The following PRKAR1B variants were observed in gnomAD, a reference collection of about 807,000 sequenced individuals.
The protein encoded by PRKAR1B is protein kinase cAMP-dependent type I regulatory subunit beta.
PRKAR1B carries 22 observed loss-of-function variants against 46.5 expected under a neutral mutation model. That is an observed-to-expected ratio of 0.47 (90% confidence interval 0.34 to 0.68). The LOEUF is 0.68. Ranked by LOEUF, PRKAR1B falls within the 30% of genes least tolerant of loss-of-function variation. The pLI is 0.01. For missense variants in PRKAR1B, 445 were observed against 535.6 expected (o/e 0.83, Z 1.67); for synonymous variants, 259 against 217.7 (o/e 1.19, Z -1.67).
At chr7:583,430 A>C (rs985582433) in intron 8 of PRKAR1B, among the ~76,000 whole-genome samples, 5 of 52,522 alleles carry the variant, frequency 9.5e-5, no homozygotes, top group African/African-American at 1.8e-4. Flanking sequence ...ACACACGCAC[A>C]CACCCACAGT....
At chr7:640,294 G>A (rs1050932916) in intron 4 of PRKAR1B, among the ~76,000 whole-genome samples, 1 of 152,140 alleles carries the variant, frequency 6.6e-6, no homozygotes, top group Non-Finnish European at 1.5e-5. Context: ...GTCTGGTAAA[G>A]GACTTGTATC....
chr7:611,759 T>C (rs912883499), intron 4 of PRKAR1B, among the ~76,000 whole-genome samples: 1 of 144,514 alleles, frequency 6.9e-6, no homozygotes, highest in Non-Finnish European at 1.5e-5. Flanking sequence ...GGTGGGTGAG[T>C]AGACGAATGA....
chr7:623,629 G>T (rs1468822603), intron 4 of PRKAR1B, among the ~76,000 whole-genome samples: 1 of 152,060 alleles, frequency 6.6e-6, no homozygotes, highest in Non-Finnish European at 1.5e-5. Context: ...GTTTCCTCTC[G>T]GTCATTTTCC....
rs1319408260 is a variant in PRKAR1B, at chr7:583,383, GCA to G, written c.769+1123_769+1124del. On this transcript the variant is annotated intron_variant, in intron 8 of 10. Transcript: ENST00000537384. ...GGCGCACACACCCACTCACACATGT[GCA>G]CACTCACACCCCCCACACGTGTGCA... Among the ~76,000 whole-genome samples the G allele has an allele frequency of 1.2e-4, 7 of 57,396 alleles. 1 individual carries two copies. The highest frequency in any genetic ancestry group is 9.9e-4 in the South Asian group (3 of 3,036). 37.7% of individuals were successfully genotyped at this position (57,396 alleles called of 152,430 possible).
At chr7:657,496 G>A (rs926496397) in intron 4 of PRKAR1B, among the ~76,000 whole-genome samples, 10 of 152,190 alleles carry the variant, frequency 6.6e-5, no homozygotes, top group African/African-American at 2.4e-4. Flanking sequence ...TTAACTCAGA[G>A]GACTTCGTGT....
chr7:569,662 C>T (rs1480005029), intron 9 of PRKAR1B, among the ~76,000 whole-genome samples: 1 of 152,198 alleles, frequency 6.6e-6, no homozygotes, highest in East Asian at 1.9e-4. Context: ...TCAGCTGTGG[C>T]CGCTGGAGCA....
Position 715,937 on chromosome 7 carries a change from G to A in PRKAR1B, c.-22-4410C>T, listed in dbSNP as rs576858646. Among the ~76,000 whole-genome samples the A allele has an allele frequency of 3.8e-4, 58 of 152,122 alleles. No homozygotes were observed. In the South Asian group the frequency reaches 6.6e-3, roughly 17 times the overall value. On this transcript the variant is annotated intron_variant, in intron 1 of 10. Transcript: ENST00000537384. ...TCACCGTGTTAGCCAGGATGGTCTC[G>A]GTCTCCTGACCTCGTGATCCGCCCG...
At chr7:690,838 CA>C (rs1301873656) in intron 2 of PRKAR1B, among the ~76,000 whole-genome samples, 1 of 152,208 alleles carries the variant, frequency 6.6e-6, no homozygotes, top group Admixed American at 6.5e-5. Context: ...TCCAGCTGCA[CA>C]AATGGGTGCC....
chr7:601,124 G>A (rs1022937939), intron 6 of PRKAR1B, among the ~76,000 whole-genome samples: 10 of 152,228 alleles, frequency 6.6e-5, no homozygotes, highest in African/African-American at 1.2e-4. Context: ...TTGAGGGGAC[G>A]GCTTCCTGAT....
rs1026213170 is a variant in PRKAR1B, at chr7:580,243, A to G, written c.770-866T>C. On this transcript the variant is annotated intron_variant, in intron 8 of 10. Transcript: ENST00000537384. Reference sequence around the variant, plus strand: ...AACACCCTGTCTCAAAAAAAAAAAAAAAAGAAAAAAGAAAAAAACAGAAAA... The same window carrying G: ...AACACCCTGTCTCAAAAAAAAAAAAGAAAGAAAAAAGAAAAAAACAGAAAA... 4.0e-5 allele frequency among the ~76,000 whole-genome samples: 6 copies of G among 151,348 alleles called. No individual in the cohort carries two copies. In the South Asian group the frequency reaches 1.0e-3, roughly 26 times the overall value.
Position 560,717 on chromosome 7 carries a change from G to A in PRKAR1B, c.892-9247C>T, listed in dbSNP as rs568735450. Among the ~76,000 whole-genome samples the A allele has an allele frequency of 1.2e-4, 18 of 152,298 alleles. No individual in the cohort carries two copies. Among genetic ancestry groups the A allele is most frequent in the African/African-American group, 4.1e-4 (17 of 41,564 alleles). ...CCTCAGCTGCCTCATCTGTTATATGGGACAACGCCAACCAATGCTACAGAG... is the reference window on the plus strand; with the variant it reads ...CCTCAGCTGCCTCATCTGTTATATGAGACAACGCCAACCAATGCTACAGAG... On this transcript the variant is annotated intron_variant, in intron 9 of 10. Coordinates refer to ENST00000537384, the MANE Select transcript of PRKAR1B (RefSeq NM_001164760.2). This position sits in a 1 kb window ranked among gnomAD's most constrained non-coding sequence, Gnocchi z 4.2.
chr7:585,760 G>A (rs533983247), intron 7 of PRKAR1B, among the ~76,000 whole-genome samples: 7 of 152,238 alleles, frequency 4.6e-5, no homozygotes, highest in African/African-American at 1.7e-4. Flanking sequence ...CAGCTCCGCA[G>A]GGCTGAGTGA....
At chr7:596,094 C>A in intron 7 of PRKAR1B, 52 bp downstream of exon 7, 1 of 1,578,188 alleles carries the variant, frequency 6.3e-7, no homozygotes, top group Non-Finnish European at 8.6e-7. Flanking sequence ...TTCCCAGGGA[C>A]GCCTGGCCAA....
rs1562579473 is a variant in PRKAR1B, at chr7:636,444, T to TCACGTCCTCCACCGGACTGTGCCCA, written c.441-29017_441-28993dup. 7.5e-3 allele frequency among the ~76,000 whole-genome samples: 274 copies of TCACGTCCTCCACCGGACTGTGCCCA among 36,386 alleles called. 11 individuals carry two copies. Among genetic ancestry groups the TCACGTCCTCCACCGGACTGTGCCCA allele is most frequent in the Non-Finnish European group, 0.01 (152 of 14,836 alleles). The allele number at this position is 36,386 out of a possible 152,430, so 23.9% of individuals were successfully genotyped here. A position where few individuals can be genotyped will look rare whatever the true frequency, so the allele number is the denominator to read the frequency against. On this transcript the variant is annotated intron_variant, in intron 4 of 10. Transcript: ENST00000537384. ...CACACGTCCTCCACCGGCCGCGCCCTCACGTCCTCCACCGGACTGTGCCCA... is the reference window on the plus strand; with the variant it reads ...CACACGTCCTCCACCGGCCGCGCCCTCACGTCCTCCACCGGACTGTGCCCACACGTCCTCCACCGGACTGTGCCCA...
chr7:716,097 G>T (rs1490299438), intron 1 of PRKAR1B, among the ~76,000 whole-genome samples: 1 of 151,402 alleles, frequency 6.6e-6, no homozygotes, highest in Non-Finnish European at 1.5e-5. Flanking sequence ...GCCCAGGCTG[G>T]AGTGCAGTGG....
chr7:711,367 T>A lies in PRKAR1B; in HGVS notation c.139A>T (p.Met47Leu), dbSNP rs1780617979. The A allele has an allele frequency of 2.5e-6, 4 of 1,614,208 alleles. No individual in the cohort carries two copies. Among genetic ancestry groups the A allele is most frequent in the Non-Finnish European group, 3.4e-6 (4 of 1,180,020 alleles). The change falls in exon 2 of 11, where the codon ATG (methionine) becomes TTG (leucine). Residue 47 changes from methionine (M) to leucine (L), a missense_variant. By Grantham distance (15) the Met-to-Leu change is conservative (BLOSUM62 2). Transcript: ENST00000537384. ...HLCISKPERP[M>L]KFLREHFEKL... The stretch of plus-strand genomic sequence containing the variant: ...TCGAAGTGCTCCCGGAGGAACTTCA[T>A]GGGGCGTTCGGGCTTGGAGATGCAG...
At chr7:662,294 G>A (rs992921096) in intron 4 of PRKAR1B, among the ~76,000 whole-genome samples, 4 of 11,136 alleles carry the variant, frequency 3.6e-4, no homozygotes, top group East Asian at 2.6e-3. Flanking sequence ...ACTCTCCCCC[G>A]CAAGGCACAG....
In PRKAR1B at chr7:677,289, G is replaced by A. The variant is rs147210283; in HGVS notation, c.380C>T (p.Ala127Val). Residue 127 changes from alanine (A) to valine (V), a missense_variant, in exon 4 of 11, where the codon GCG (alanine) becomes GTG (valine). Ala to Val is a moderately conservative substitution (Grantham distance 64). Coordinates refer to ENST00000537384, the MANE Select transcript of PRKAR1B (RefSeq NM_001164760.2). ...GTTCTTGGAGATGGCCTTGGCCAGC[G>A]CAGTCATGGTTTTGTAGTCCTTGGG... ...VIPKDYKTMT[A>V]LAKAISKNVL... 6.2e-7 allele frequency: 1 copy of A among 1,614,250 alleles called. No individual in the cohort carries two copies. Among genetic ancestry groups the A allele is most frequent in the Admixed American group, 1.7e-5 (1 of 60,030 alleles).
In PRKAR1B at chr7:550,094, G is replaced by T. The variant is rs1005975596; in HGVS notation, c.*336C>A. The T allele has an allele frequency of 9.1e-6, 3 of 329,850 alleles. No homozygotes were observed. The highest frequency in any genetic ancestry group is 6.6e-5 in the African/African-American group (3 of 45,560). The allele number at this position is 329,850 out of a possible 1,614,324, so 20.4% of individuals were successfully genotyped here. A position where few individuals can be genotyped will look rare whatever the true frequency, so the allele number is the denominator to read the frequency against. On this transcript the variant is annotated 3_prime_UTR_variant, in exon 11 of 11. Coordinates refer to ENST00000537384, the MANE Select transcript of PRKAR1B (RefSeq NM_001164760.2). ...CAACGTCCTGGCCTGGTTCTGGGGAGGACCGATCCTCAAGCATCTCCAGGA... is the reference window on the plus strand; with the variant it reads ...CAACGTCCTGGCCTGGTTCTGGGGATGACCGATCCTCAAGCATCTCCAGGA...
Sources: gnomAD v4.1 joint callset for allele counts (sites outside exome capture counted in the v4.1 genomes callset) on GRCh38, gnomAD v4.1.1 for gene constraint, Gnocchi (gnomAD v3.1) non-coding constraint, MANE v1.5 for transcripts, NCBI Gene and HGNC (gene_info 2026-07-23, HGNC 2026-07-21) for gene names.